MEF2A: variants seen among roughly 807,000 people sequenced by gnomAD.
The protein encoded by MEF2A is myocyte-specific enhancer factor 2A.
A neutral mutation model predicts 55.8 loss-of-function variants in MEF2A; 28 were observed. The observed-to-expected ratio is 0.50, with a 90% CI of 0.37 to 0.69. The LOEUF (loss-of-function observed/expected upper bound fraction) is 0.69, where lower values mean the gene tolerates loss of function less well. Among genes scored for constraint, MEF2A ranks in the 30% least tolerant of loss-of-function variants. MEF2A has a pLI of 0.00. For missense variants in MEF2A, 528 were observed against 626.2 expected, an observed-to-expected ratio of 0.84 and a Z score of 1.67; for synonymous variants, 239 against 227.1, an observed-to-expected ratio of 1.05 and a Z score of -0.47.
chr15:99,690,580 A>G, intron 8 of MEF2A, 152 bp downstream of exon 8: 1 of 789,432 alleles, frequency 1.3e-6, no homozygotes, highest in Non-Finnish European at 2.2e-6. Context: ...TGAAGAGACA[A>G]GTCTATTTCA....
chr15:99,678,776 T>G (rs958331538), intron 7 of MEF2A: 12 of 771,614 alleles, frequency 1.6e-5, no homozygotes, highest in Non-Finnish European at 1.6e-5. Flanking sequence ...GATTTGCTTG[T>G]GTGAAAATTG....
chr15:99,578,440 G>T (rs990975326), intron 1 of MEF2A, among the ~76,000 whole-genome samples: 2 of 151,984 alleles, frequency 1.3e-5, no homozygotes, highest in African/African-American at 4.8e-5. Flanking sequence ...TCACTTTCTG[G>T]TACTGAAAAG....
chr15:99,663,903 C>CAGAT (rs1390232336), intron 4 of MEF2A, among the ~76,000 whole-genome samples: 2 of 152,138 alleles, frequency 1.3e-5, no homozygotes, highest in East Asian at 3.8e-4. Context: ...AAATGAGAGG[C>CAGAT]AGATGTACAG....
chr15:99,709,931 C>A (rs185307598), intron 10 of MEF2A, among the ~76,000 whole-genome samples: 8 of 152,304 alleles, frequency 5.3e-5, no homozygotes, highest in African/African-American at 1.9e-4. Context: ...GAGCTTGGCA[C>A]CCCATGTAGG....
At chr15:99,601,808 TG>T (rs959782977) in intron 2 of MEF2A, among the ~76,000 whole-genome samples, 507 of 1,854 alleles carry the variant, frequency 0.27, 4 homozygotes, top group African/African-American at 0.3. Flanking sequence ...TTGTCTGTTT[TG>T]TGTGTGTGTG....
chr15:99,710,812 C>T, intron 11 of MEF2A, 52 bp downstream of exon 11: 1 of 1,555,086 alleles, frequency 6.4e-7, no homozygotes, highest in South Asian at 1.2e-5. Context: ...TACACACTCT[C>T]TTTTCCTATC....
intron 1 of MEF2A, among the ~76,000 whole-genome samples, chr15:99,575,816 C>T (rs1477310720): frequency 6.6e-6 from 1 of 152,160 alleles, no homozygotes; most frequent in Non-Finnish European, 1.5e-5. Flanking sequence ...AGACCTTGTC[C>T]TATTCATTTT....
intron 7 of MEF2A, among the ~76,000 whole-genome samples, chr15:99,687,084 CTTTTTTTTTT>C (rs71149484): frequency 1.5e-5 from 1 of 67,750 alleles, no homozygotes; most frequent in Non-Finnish European, 2.6e-5. Flanking sequence ...ATTAATTTTT[CTTTTTTTTTT>C]TTTTTTTTTT....
Position 99,635,680 on chromosome 15 carries a change from A to C in MEF2A, c.54+2507A>C, listed in dbSNP as rs558281712. On this transcript the variant is annotated intron_variant, in intron 3 of 11. Coordinates refer to ENST00000557942, the MANE Select transcript of MEF2A (RefSeq NM_001319206.4). Reference sequence around the variant, plus strand: ...TACACCTGTTGTTGAGTTTATATGAACAGTGTGTCTTCTTTCGCACAATAT... The same window carrying C: ...TACACCTGTTGTTGAGTTTATATGACCAGTGTGTCTTCTTTCGCACAATAT... Among the ~76,000 whole-genome samples, 45 of 152,306 alleles carry C rather than the reference A, an allele frequency of 3.0e-4. No individual in the cohort carries two copies. The Middle Eastern group carries it at 0.014, about 46-fold the overall frequency.
chr15:99,698,044 A>G (rs1843530575), intron 8 of MEF2A, among the ~76,000 whole-genome samples: 1 of 152,254 alleles, frequency 6.6e-6, no homozygotes, highest in Admixed American at 6.5e-5. Context: ...AAACAACCCA[A>G]AGTCTGAAAA....
intron 2 of MEF2A, among the ~76,000 whole-genome samples, chr15:99,615,655 G>A (rs1295512884): frequency 6.6e-6 from 1 of 152,108 alleles, no homozygotes; most frequent in Non-Finnish European, 1.5e-5. Flanking sequence ...AATGCAGGCG[G>A]GCATGCTGCA....
intron 1 of MEF2A, among the ~76,000 whole-genome samples, chr15:99,567,627 CTGTGTGTGTGTG>C (rs370539645): frequency 0.018 from 2,622 of 143,866 alleles, 32 homozygotes; most frequent in Middle Eastern, 0.045. Flanking sequence ...TTTGTATGTA[CTGTGTGTGTGTG>C]TGTGTGTGTG....
chr15:99,635,935 C>T (rs144115974), intron 3 of MEF2A, among the ~76,000 whole-genome samples: 39 of 152,074 alleles, frequency 2.6e-4, no homozygotes, highest in Admixed American at 1.8e-3. Flanking sequence ...AATAGGAGTG[C>T]GGTTGCTGAG....
intron 7 of MEF2A, among the ~76,000 whole-genome samples, chr15:99,679,287 A>G (rs1296490100): frequency 6.6e-6 from 1 of 152,256 alleles, no homozygotes; most frequent in Non-Finnish European, 1.5e-5. Flanking sequence ...AATGTGTACA[A>G]CATTATGTTA....
intron 2 of MEF2A, among the ~76,000 whole-genome samples, chr15:99,604,543 A>C (rs980402208): frequency 6.6e-6 from 1 of 151,794 alleles, no homozygotes; most frequent in Non-Finnish European, 1.5e-5. Flanking sequence ...GTTTATTTAT[A>C]ATCTTTTTTT....
upstream of MEF2A, chr15:99,565,762 C>T (rs1596135893): frequency 6.6e-6 from 1 of 152,396 alleles, no homozygotes; most frequent in Non-Finnish European, 1.5e-5. Flanking sequence ...CTCTCTTTGC[C>T]CTACCCTTGT....
At chr15:99,579,626 C>T (rs1596257134) in intron 1 of MEF2A, among the ~76,000 whole-genome samples, 2 of 152,254 alleles carry the variant, frequency 1.3e-5, no homozygotes, top group East Asian at 3.9e-4. Context: ...GGACTCCCGG[C>T]CTCAAGTGAT....
At chr15:99,665,522 G>A (rs1390635662) in intron 4 of MEF2A, among the ~76,000 whole-genome samples, 1 of 152,016 alleles carries the variant, frequency 6.6e-6, no homozygotes, top group East Asian at 1.9e-4. Context: ...ATAGGCATGG[G>A]CAAAGATTTC....
intron 2 of MEF2A, among the ~76,000 whole-genome samples, chr15:99,623,643 A>C (rs367551655): frequency 1.8e-4 from 27 of 152,272 alleles, no homozygotes; most frequent in African/African-American, 6.5e-4. Context: ...CCTAATGATT[A>C]GTGATGTTGA....
Sources: allele counts gnomAD v4.1 joint callset (sites outside exome capture counted in the v4.1 genomes callset), GRCh38; gene constraint gnomAD v4.1.1; transcripts MANE v1.5; gene names NCBI Gene and HGNC (gene_info 2026-07-23, HGNC 2026-07-21).